The following CETP variants were observed in gnomAD, a reference collection of about 807,000 sequenced individuals.
CETP encodes the protein cholesteryl ester transfer protein, also known as BPI fold containing family F.
CETP carries 56 observed loss-of-function variants against 66.5 expected under a neutral mutation model. The ratio of observed to expected loss-of-function variants is 0.84; its 90% CI spans 0.68 to 1.05. The LOEUF is 1.05. CETP is among the 50% of genes least tolerant of loss of function. The probability of loss-of-function intolerance (pLI) is 0.00; values close to 1 mark genes in which losing one functional copy is unlikely to be tolerated. For missense variants in CETP, 612 were observed against 609.6 expected, an observed-to-expected ratio of 1.00 and a Z score of -0.04; for synonymous variants, 251 against 245.7, an observed-to-expected ratio of 1.02 and a Z score of -0.20.
Position 56,976,005 on chromosome 16 carries a change from C to T in CETP, c.981+854C>T, listed in dbSNP as rs191504834. Among the ~76,000 whole-genome samples the T allele has an allele frequency of 1.7e-3, 265 of 152,348 alleles. 4 individuals are homozygous for T. The highest frequency in any genetic ancestry group is 0.016 in the Admixed American group (246 of 15,302). On this transcript the variant is annotated intron_variant, in intron 10 of 15. Coordinates refer to ENST00000200676, the MANE Select transcript of CETP (RefSeq NM_000078.3). The stretch of plus-strand genomic sequence containing the variant: ...TCTGAACTCAGGCCGTCCAGCCTTC[C>T]CCGGCTCTGTGATGCCTCTCTCCTT...
chr16:56,975,593 G>A (rs140095296), intron 10 of CETP, among the ~76,000 whole-genome samples: 1 of 152,142 alleles, frequency 6.6e-6, no homozygotes, highest in Non-Finnish European at 1.5e-5. Flanking sequence ...CTTGGAGGTC[G>A]CAGCCCCTTC....
chr16:56,979,635 C>T (rs1258645368), intron 11 of CETP, among the ~76,000 whole-genome samples: 1 of 152,074 alleles, frequency 6.6e-6, no homozygotes, highest in African/African-American at 2.4e-5. Context: ...CTCAGCCTCC[C>T]CAGTAGCTAG....
At position 56,962,026 on chromosome 16, in the gene CETP, A is replaced by G. The variant is rs1303090767; in HGVS notation, c.47A>G (p.His16Arg). The G allele has an allele frequency of 3.1e-6, 5 of 1,614,168 alleles. No individual in the cohort carries two copies. The highest frequency in any genetic ancestry group is 4.2e-6 in the Non-Finnish European group (5 of 1,180,036). ...ACCCTGGCCCTGCTGGGCAATGCCC[A>G]TGCCTGCTCCAAAGGCACCTCGCAC... is the stretch of plus-strand genomic sequence containing the variant. Reference protein sequence around the residue: ...VLTLALLGNAHACSKGTSHEA... With the variant: ...VLTLALLGNARACSKGTSHEA... Residue 16 changes from histidine (H) to arginine (R), a missense_variant, in exon 1 of 16, where the codon CAT becomes CGT. By Grantham distance (29) the His-to-Arg change is conservative. Transcript: ENST00000200676.
chr16:56,981,795 C>A, intron 13 of CETP, 115 bp downstream of exon 13: 1 of 1,016,726 alleles, frequency 9.8e-7, no homozygotes, highest in African/African-American at 1.6e-5. Context: ...GAATGTGGAC[C>A]AGGTGGTCCA....
intron 12 of CETP, 136 bp downstream of exon 12, chr16:56,981,361 A>G (rs1597007552): frequency 1.2e-6 from 1 of 820,322 alleles, no homozygotes; most frequent in East Asian, 2.4e-5. Context: ...GACTGCAGGG[A>G]GATAAGACCC....
chr16:56,981,747 C>T (rs1329587328), intron 13 of CETP, 67 bp downstream of exon 13: 19 of 1,518,010 alleles, frequency 1.3e-5, no homozygotes, highest in East Asian at 4.5e-5. Context: ...AGAAAGCAGG[C>T]GGAGGGCCCT....
chr16:56,962,251 C>T (rs1405066523), intron 1 of CETP, 154 bp downstream of exon 1: 2 of 757,672 alleles, frequency 2.6e-6, no homozygotes, highest in Non-Finnish European at 2.4e-6. Flanking sequence ...CTGAGTGGAG[C>T]TGTCATCACC....
chr16:56,979,118 C>T (rs992596850), intron 11 of CETP, among the ~76,000 whole-genome samples: 7 of 152,006 alleles, frequency 4.6e-5, no homozygotes, highest in Admixed American at 1.3e-4. Context: ...TGAGCCACCA[C>T]GCCCAGCCAA....
chr16:56,973,350 A>T lies in CETP; in HGVS notation c.770A>T (p.Asn257Ile), dbSNP rs2056126632. 13 of 1,614,146 alleles carry T rather than the reference A, an allele frequency of 8.1e-6. No individual in the cohort carries two copies. The highest frequency in any genetic ancestry group is 1.0e-5 in the Non-Finnish European group (12 of 1,180,024). ...SHHKGHFIYK[N>I]VSEDLPLPTF... is the part of the protein sequence containing the mutation. ...CTCCAGGGTCATTTCATCTACAAGAATGTCTCAGAGGACCTCCCCCTCCCC... is the reference window on the plus strand; with the variant it reads ...CTCCAGGGTCATTTCATCTACAAGATTGTCTCAGAGGACCTCCCCCTCCCC... Residue 257 changes from asparagine to isoleucine, a missense_variant, in exon 9 of 16, where the codon AAT (asparagine) becomes ATT (isoleucine). Coordinates refer to ENST00000200676, the MANE Select transcript of CETP (RefSeq NM_000078.3).
intron 11 of CETP, among the ~76,000 whole-genome samples, chr16:56,980,858 G>T (rs2056182206): frequency 6.6e-6 from 1 of 152,208 alleles, no homozygotes; most frequent in Non-Finnish European, 1.5e-5. Context: ...GGACGTGGAG[G>T]TTGCAGTGAG....
At chr16:56,963,203 G>T in intron 2 of CETP, 79 bp downstream of exon 2, 1 of 1,164,772 alleles carries the variant, frequency 8.6e-7, no homozygotes, top group East Asian at 2.4e-5. Flanking sequence ...CCAGCCCACA[G>T]GGAGGAAAGG....
intron 5 of CETP, 22 bp downstream of exon 5, chr16:56,970,023 C>T (rs757808322): frequency 6.2e-7 from 1 of 1,606,424 alleles, no homozygotes; most frequent in Non-Finnish European, 8.5e-7. Flanking sequence ...ACCCTGTGGC[C>T]CCCATTCCTG....
At chr16:56,963,154 G>C (rs1481966194) in intron 2 of CETP, 30 bp downstream of exon 2, 1 of 1,580,354 alleles carries the variant, frequency 6.3e-7, no homozygotes, top group South Asian at 1.1e-5. Flanking sequence ...TGACCAGGCT[G>C]GGGGTAGGGA....
At chr16:56,971,451 G>T in intron 7 of CETP, 70 bp downstream of exon 7, 1 of 1,351,756 alleles carries the variant, frequency 7.4e-7, no homozygotes. Flanking sequence ...GCTGCACTAT[G>T]TGGCCTTGGG....
intron 2 of CETP, among the ~76,000 whole-genome samples, chr16:56,967,773 T>G (rs2056078500): frequency 6.6e-6 from 1 of 151,852 alleles, no homozygotes; most frequent in Non-Finnish European, 1.5e-5. Flanking sequence ...TGGAGTCTGG[T>G]CAACATAGTG....
intron 11 of CETP, among the ~76,000 whole-genome samples, chr16:56,979,315 C>A (rs1247318297): frequency 6.6e-6 from 1 of 152,162 alleles, no homozygotes; most frequent in Non-Finnish European, 1.5e-5. Context: ...ACCCCACAAT[C>A]AATTCTCCTC....
intron 14 of CETP, among the ~76,000 whole-genome samples, chr16:56,982,628 A>G (rs2056196913): frequency 6.6e-6 from 1 of 151,986 alleles, no homozygotes. Context: ...ATGATTCCCA[A>G]TTTTCCTTTT....
chr16:56,969,467 CGT>C lies in CETP; in HGVS notation c.318_319del (p.Ser107CysfsTer20). The part of the protein sequence containing the change: ...AKSIDVSIQN[V>X]SVVFKGTLKY... The stretch of plus-strand genomic sequence containing the variant: ...AGTCCATTGATGTCTCCATTCAGAA[CGT>C]GTCTGTGGTCTTCAAGGGGACCCTG... On this transcript the variant is annotated frameshift_variant, in exon 3 of 16. Transcript: ENST00000200676. LOFTEE classifies it high-confidence loss of function. 6.2e-7 allele frequency: 1 copy of C among 1,614,204 alleles called. No individual in the cohort carries two copies. Among genetic ancestry groups the C allele is most frequent in the Non-Finnish European group, 8.5e-7 (1 of 1,180,048 alleles).
chr16:56,972,253 C>T (rs564403727), intron 8 of CETP, among the ~76,000 whole-genome samples, 170 bp downstream of exon 8: 65 of 152,298 alleles, frequency 4.3e-4, no homozygotes, highest in African/African-American at 1.6e-3. Context: ...GCGAGGAGGG[C>T]AGGCCACAGC....
Sources: gnomAD v4.1 joint callset for allele counts (sites outside exome capture counted in the v4.1 genomes callset) on GRCh38, gnomAD v4.1.1 for gene constraint, MANE v1.5 for transcripts, NCBI Gene and HGNC (gene_info 2026-07-23, HGNC 2026-07-21) for gene names.